TAFA5: variants seen among roughly 807,000 people sequenced by gnomAD.
TAFA5 encodes chemokine-like protein TAFA-5.
In TAFA5, 6 loss-of-function variants were observed where a neutral mutation model predicts 15.3. The observed-to-expected ratio is 0.39, with a 90% CI of 0.21 to 0.77. The LOEUF (loss-of-function observed/expected upper bound fraction) is 0.77. Among genes scored for constraint, TAFA5 ranks in the 30% least tolerant of loss-of-function variants. The pLI is 0.41. For synonymous variants in TAFA5, 103 were observed against 80.7 expected (o/e 1.28, Z -1.48); for missense variants, 161 against 193.1 (o/e 0.83, Z 0.98).
At chr22:48,506,811 C>G (rs982641436) in intron 1 of TAFA5, among the ~76,000 whole-genome samples, 1 of 152,214 alleles carries the variant, frequency 6.6e-6, no homozygotes, top group Non-Finnish European at 1.5e-5. Context: ...CAGGAGGCCT[C>G]CTGCCACACA....
intron 1 of TAFA5, among the ~76,000 whole-genome samples, chr22:48,618,846 C>T (rs1230465973): frequency 2.0e-5 from 3 of 152,220 alleles, no homozygotes; most frequent in African/African-American, 2.4e-5. Context: ...TCTTGTCTCC[C>T]CTTGCCTCCT....
At chr22:48,634,518 C>A (rs201013114) in intron 1 of TAFA5, among the ~76,000 whole-genome samples, 7 of 120,340 alleles carry the variant, frequency 5.8e-5, no homozygotes, top group African/African-American at 1.9e-4. Flanking sequence ...CTCATTCACT[C>A]ATTCACTTAT....
intron 1 of TAFA5, among the ~76,000 whole-genome samples, chr22:48,610,200 G>T (rs1488715701): frequency 6.6e-6 from 1 of 152,086 alleles, no homozygotes; most frequent in African/African-American, 2.4e-5. Context: ...CCCGAGAAGG[G>T]CCTGGCTGCA....
At chr22:48,597,427 A>G (rs892319312) in intron 1 of TAFA5, among the ~76,000 whole-genome samples, 13 of 117,792 alleles carry the variant, frequency 1.1e-4, no homozygotes, top group Non-Finnish European at 2.3e-4. Flanking sequence ...GCTGGCTCAC[A>G]TGCAGAGTGT....
chr22:48,662,217 C>T (rs9617485), intron 2 of TAFA5, among the ~76,000 whole-genome samples: 43,588 of 151,826 alleles, frequency 0.29, 6,790 homozygotes, highest in African/African-American at 0.41. Flanking sequence ...AGGAACATGG[C>T]GGGAGCACAA....
At chr22:48,744,661 A>T (rs1361035860) in intron 3 of TAFA5, among the ~76,000 whole-genome samples, 1 of 152,128 alleles carries the variant, frequency 6.6e-6, no homozygotes, top group Non-Finnish European at 1.5e-5. Context: ...CACGGTCCTA[A>T]CTTGGGTGGT....
chr22:48,597,016 T>C (rs28550450), intron 1 of TAFA5, among the ~76,000 whole-genome samples: 114,752 of 152,168 alleles, frequency 0.75, 43,396 homozygotes, highest in Admixed American at 0.8. Context: ...TGCGATGCCC[T>C]AGCTGGTCTC....
At chr22:48,625,951 C>T (rs1396658726) in intron 1 of TAFA5, among the ~76,000 whole-genome samples, 2 of 152,316 alleles carry the variant, frequency 1.3e-5, no homozygotes, top group East Asian at 3.9e-4. Context: ...ATAGTGCATG[C>T]AGCCGTCTCA....
chr22:48,734,223 G>A (rs1444570372), intron 3 of TAFA5, among the ~76,000 whole-genome samples: 1 of 151,868 alleles, frequency 6.6e-6, no homozygotes, highest in East Asian at 1.9e-4. Flanking sequence ...TGTGTAAAAT[G>A]TAAAGACTTC....
intron 1 of TAFA5, among the ~76,000 whole-genome samples, chr22:48,644,349 C>T (rs1926789656): frequency 1.3e-5 from 2 of 152,212 alleles, no homozygotes; most frequent in African/African-American, 4.8e-5. Flanking sequence ...CCACCCCCTC[C>T]CCGCAGCCAC....
chr22:48,744,993 T>C (rs2147276645), intron 3 of TAFA5, among the ~76,000 whole-genome samples: 1 of 152,300 alleles, frequency 6.6e-6, no homozygotes, highest in Non-Finnish European at 1.5e-5. Context: ...TGACCTCAGG[T>C]GATCCACCTG....
chr22:48,749,599 A>G (rs535211100), intron 3 of TAFA5, among the ~76,000 whole-genome samples: 202 of 152,282 alleles, frequency 1.3e-3, no homozygotes, highest in Non-Finnish European at 2.2e-3. Flanking sequence ...CGAGGCTGAC[A>G]GCCCCTCCAG....
intron 1 of TAFA5, among the ~76,000 whole-genome samples, chr22:48,605,979 G>C (rs963034922): frequency 4.6e-5 from 7 of 152,206 alleles, no homozygotes; most frequent in African/African-American, 1.7e-4. Context: ...AGCTCTGTGT[G>C]CTGGGTGGCT....
At chr22:48,523,260 G>A (rs907858363) in intron 1 of TAFA5, among the ~76,000 whole-genome samples, 9 of 152,232 alleles carry the variant, frequency 5.9e-5, no homozygotes, top group African/African-American at 1.7e-4. Flanking sequence ...TGGCTTTGCC[G>A]TGGGACAGGG....
At chr22:48,503,033 C>T (rs555815396) in intron 1 of TAFA5, among the ~76,000 whole-genome samples, 9 of 152,266 alleles carry the variant, frequency 5.9e-5, no homozygotes, top group African/African-American at 9.6e-5. Flanking sequence ...CAGATCCACG[C>T]GGGACCTTCC....
intron 1 of TAFA5, among the ~76,000 whole-genome samples, chr22:48,492,729 G>A (rs1928199668): frequency 6.6e-6 from 1 of 152,036 alleles, no homozygotes; most frequent in Non-Finnish European, 1.5e-5. Flanking sequence ...GACCATCACG[G>A]TGACAGCAGG....
At chr22:48,642,312 G>A (rs906522679) in intron 1 of TAFA5, among the ~76,000 whole-genome samples, 8 of 152,284 alleles carry the variant, frequency 5.3e-5, no homozygotes, top group Admixed American at 6.5e-5. Flanking sequence ...GCAAAGGGGC[G>A]GCCCAGGGGT....
intron 1 of TAFA5, among the ~76,000 whole-genome samples, chr22:48,580,685 G>A (rs560670860): frequency 2.5e-4 from 38 of 152,246 alleles, no homozygotes; most frequent in Admixed American, 2.1e-3. Context: ...GAGGGAGTTC[G>A]GCAGCTCTGT....
At chr22:48,580,899 C>T (rs1384843747) in intron 1 of TAFA5, among the ~76,000 whole-genome samples, 3 of 152,094 alleles carry the variant, frequency 2.0e-5, no homozygotes, top group Non-Finnish European at 4.4e-5. Context: ...TTTTATGGCC[C>T]TGATGAGGTG....
Sources: allele counts gnomAD v4.1 joint callset (sites outside exome capture counted in the v4.1 genomes callset), GRCh38; gene constraint gnomAD v4.1.1; transcripts MANE v1.5; gene names NCBI Gene and HGNC (gene_info 2026-07-23, HGNC 2026-07-21).